The following KCNJ3 variants were observed in gnomAD, a reference collection of about 807,000 sequenced individuals.
KCNJ3 encodes the protein G protein-activated inward rectifier potassium channel 1.
KCNJ3 carries 4 observed loss-of-function variants against 39.2 expected under a neutral mutation model. That is an observed-to-expected ratio of 0.10 (90% CI 0.05 to 0.23). KCNJ3 has a LOEUF of 0.23. Among genes scored for constraint, KCNJ3 ranks in the 10% least tolerant of loss-of-function variants. The pLI, the probability that KCNJ3 is intolerant of heterozygous loss-of-function variation, is 1.00. For synonymous variants in KCNJ3, 230 were observed against 237.4 expected, an observed-to-expected ratio of 0.97 and a Z score of 0.29; for missense variants, 276 against 634.9, an observed-to-expected ratio of 0.43 and a Z score of 6.08.
Position 154,698,749 on chromosome 2 carries a change from T to G in KCNJ3, c.-27T>G, listed in dbSNP as rs759834933. 1 of 1,326,012 alleles carries G rather than the reference T, an allele frequency of 7.5e-7. No individual in the cohort carries two copies. Among genetic ancestry groups the G allele is most frequent in the Non-Finnish European group, 1.0e-6 (1 of 986,674 alleles). The allele number at this position is 1,326,012 out of a possible 1,614,324, so 82.1% of individuals were successfully genotyped here. On this transcript the variant is annotated 5_prime_UTR_variant, in exon 1 of 3. Coordinates refer to ENST00000295101, the MANE Select transcript of KCNJ3 (RefSeq NM_002239.4). Reference sequence around the variant, plus strand: ...CCAGCTCCTGCGCCTTCGCTTCGCGTTTGAATCTGGCTCGCCCCTTCGTAT... The same window carrying G: ...CCAGCTCCTGCGCCTTCGCTTCGCGGTTGAATCTGGCTCGCCCCTTCGTAT...
chr2:154,746,352 C>T (rs966159779), intron 2 of KCNJ3, among the ~76,000 whole-genome samples: 19 of 151,802 alleles, frequency 1.3e-4, no homozygotes, highest in African/African-American at 4.1e-4. Context: ...CCCTAGCCCC[C>T]ACATTGTTTA....
At chr2:154,833,726 A>G (rs1687402262) in intron 2 of KCNJ3, among the ~76,000 whole-genome samples, 1 of 152,094 alleles carries the variant, frequency 6.6e-6, no homozygotes, top group Non-Finnish European at 1.5e-5. Context: ...CCTGGCAATC[A>G]CTGATCTTTC....
At chr2:154,745,373 AT>A (rs1201830061) in intron 2 of KCNJ3, among the ~76,000 whole-genome samples, 2 of 151,922 alleles carry the variant, frequency 1.3e-5, no homozygotes, top group Admixed American at 1.3e-4. Flanking sequence ...TTTCCGTTAT[AT>A]TTTATTTCAC....
chr2:154,838,463 A>C (rs887741155), intron 2 of KCNJ3, among the ~76,000 whole-genome samples: 1 of 152,196 alleles, frequency 6.6e-6, no homozygotes, highest in African/African-American at 2.4e-5. Context: ...TCATATGAGA[A>C]AAAGAACAGT....
rs1687850042 is a variant in KCNJ3 at position 154,856,918 on chromosome 2, T to A, written c.*1605T>A. 2 of 152,182 alleles carry A rather than the reference T, an allele frequency of 1.3e-5. No individual in the cohort carries two copies. Among genetic ancestry groups the A allele is most frequent in the Admixed American group, 6.5e-5 (1 of 15,272 alleles). The allele number at this position is 152,182 out of a possible 1,614,324, so 9.4% of individuals were successfully genotyped here. On this transcript the variant is annotated 3_prime_UTR_variant, in exon 3 of 3. Coordinates refer to ENST00000295101, the MANE Select transcript of KCNJ3 (RefSeq NM_002239.4). ...CAGTCTGCCCCAACTTTAAAAAAAA[T>A]TCTTATTAATATGTCAGTCATTAAT...
intron 2 of KCNJ3, among the ~76,000 whole-genome samples, chr2:154,851,594 C>T (rs933841222): frequency 6.6e-6 from 1 of 152,170 alleles, no homozygotes; most frequent in African/African-American, 2.4e-5. Context: ...CATTGACAGC[C>T]AGATTCATAA....
intron 2 of KCNJ3, among the ~76,000 whole-genome samples, chr2:154,816,035 T>A (rs1016890706): frequency 2.0e-5 from 3 of 152,202 alleles, no homozygotes; most frequent in African/African-American, 7.2e-5. Context: ...CTTACTTTTT[T>A]TCTCTTTTCA....
intron 2 of KCNJ3, among the ~76,000 whole-genome samples, chr2:154,773,806 T>C (rs1458574487): frequency 6.6e-6 from 1 of 152,202 alleles, no homozygotes; most frequent in Middle Eastern, 3.2e-3. Context: ...TTATATCTAC[T>C]AAAAACATTG....
intron 2 of KCNJ3, among the ~76,000 whole-genome samples, chr2:154,820,132 C>A (rs1241008265): frequency 2.0e-5 from 3 of 152,128 alleles, no homozygotes; most frequent in East Asian, 1.9e-4. Flanking sequence ...TATTAATTAA[C>A]CTACTGGTGA....
chr2:154,851,976 A>G (rs1338367321), intron 2 of KCNJ3, among the ~76,000 whole-genome samples: 2 of 152,236 alleles, frequency 1.3e-5, no homozygotes, highest in African/African-American at 2.4e-5. Flanking sequence ...ATGGGCTAAG[A>G]TGGTGATATC....
Position 154,793,331 on chromosome 2 carries a change from T to C in KCNJ3, c.920-61396T>C, listed in dbSNP as rs531920002. Among the ~76,000 whole-genome samples the C allele has an allele frequency of 2.6e-5, 4 of 152,130 alleles. No individual in the cohort carries two copies. The East Asian group carries it at 7.7e-4, about 29-fold the overall frequency. ...TGATGACAGTGAATATTTTGAATAA[T>C]CAAAGGTTACTGCATAAACCCTATC... On this transcript the variant is annotated intron_variant, in intron 2 of 2. Transcript: ENST00000295101.
rs1441192898 is a variant in KCNJ3, at chr2:154,699,312, C to T, written c.537C>T (p.Cys179=). The stretch of plus-strand genomic sequence containing the variant: ...TCGTGGACGCCTTCCTCATCGGCTG[C>T]ATGTTCATCAAGATGTCCCAGCCCA... ...GSIVDAFLIG[C]MFIKMSQPKK... is the part of the protein sequence containing the mutation. Residue 179 remains cysteine, a synonymous_variant, in exon 1 of 3, where the codon TGC becomes TGT. Coordinates refer to ENST00000295101, the MANE Select transcript of KCNJ3 (RefSeq NM_002239.4). This position sits in a 1 kb window ranked among gnomAD's most constrained non-coding sequence, Gnocchi z 6.4. 6.2e-7 allele frequency: 1 copy of T among 1,613,770 alleles called. No individual in the cohort carries two copies. Among genetic ancestry groups the T allele is most frequent in the Admixed American group, 1.7e-5 (1 of 60,000 alleles).
At chr2:154,700,404 A>G (rs1232970509) in intron 1 of KCNJ3, among the ~76,000 whole-genome samples, 1 of 152,236 alleles carries the variant, frequency 6.6e-6, no homozygotes, top group Non-Finnish European at 1.5e-5. Context: ...GAGTATGGGA[A>G]GGAAGGCTTA....
At chr2:154,794,505 A>G (rs1463277240) in intron 2 of KCNJ3, among the ~76,000 whole-genome samples, 1 of 151,976 alleles carries the variant, frequency 6.6e-6, no homozygotes, top group African/African-American at 2.4e-5. Flanking sequence ...TCCAAGTTAG[A>G]GCAGCATGCA....
intron 2 of KCNJ3, among the ~76,000 whole-genome samples, chr2:154,851,874 C>T (rs1195918086): frequency 6.6e-6 from 1 of 151,694 alleles, no homozygotes. Flanking sequence ...TTTATTTTCC[C>T]AATTGTAATG....
Position 154,855,501 on chromosome 2 carries a change from A to G in KCNJ3, c.*188A>G, listed in dbSNP as rs1262181777. On this transcript the variant is annotated 3_prime_UTR_variant, in exon 3 of 3. Transcript: ENST00000295101. ...GCAACAGTTACGGAGGGAGGACATC[A>G]TAAGGAAGTTATTAACGGGCATGTA... The G allele has an allele frequency of 1.1e-5, 6 of 532,062 alleles. No homozygotes were observed. The highest frequency in any genetic ancestry group is 1.9e-5 in the African/African-American group (1 of 52,902). The allele number at this position is 532,062 out of a possible 1,614,324, so 33.0% of individuals were successfully genotyped here.
chr2:154,719,858 C>T (rs1465253969), intron 2 of KCNJ3, among the ~76,000 whole-genome samples: 2 of 152,056 alleles, frequency 1.3e-5, no homozygotes, highest in African/African-American at 2.4e-5. Flanking sequence ...GAGGTCCAGA[C>T]AGAGTGAGTC....
At chr2:154,716,276 ATTTTT>A (rs535989708) in intron 2 of KCNJ3, among the ~76,000 whole-genome samples, 131 of 115,448 alleles carry the variant, frequency 1.1e-3, no homozygotes, top group South Asian at 2.8e-3. Flanking sequence ...CGGCCGGCTA[ATTTTT>A]TTTTTTTTTT....
In KCNJ3 at chr2:154,699,599, C is replaced by A; in HGVS notation, c.702+122C>A. On this transcript the variant is annotated intron_variant, in intron 1 of 2. Coordinates refer to ENST00000295101, the MANE Select transcript of KCNJ3 (RefSeq NM_002239.4). This position sits in a 1 kb window ranked among gnomAD's most constrained non-coding sequence, Gnocchi z 6.4. Reference sequence around the variant, plus strand: ...TCTACCTATAGCCACAGGTAAACTTCCTTTTGGGGGGTTGGGGGTTGGAGG... The same window carrying A: ...TCTACCTATAGCCACAGGTAAACTTACTTTTGGGGGGTTGGGGGTTGGAGG... The A allele has an allele frequency of 7.0e-7, 1 of 1,424,684 alleles. No homozygotes were observed. The highest frequency in any genetic ancestry group is 2.5e-5 in the East Asian group (1 of 39,998). 88.3% of individuals were successfully genotyped at this position (1,424,684 alleles called of 1,614,324 possible).
Sources: gnomAD v4.1 joint callset for allele counts (sites outside exome capture counted in the v4.1 genomes callset) on GRCh38, gnomAD v4.1.1 for gene constraint, Gnocchi (gnomAD v3.1) non-coding constraint, MANE v1.5 for transcripts, NCBI Gene and HGNC (gene_info 2026-07-23, HGNC 2026-07-21) for gene names.